Variants in NKAIN2 observed in about 807,000 individuals in gnomAD.
NKAIN2 encodes sodium/potassium-transporting ATPase subunit beta-1-interacting protein 2.
Under a neutral mutation model 32.6 loss-of-function variants are expected in NKAIN2, and 14 were observed. The observed-to-expected ratio is 0.43, with a 90% CI of 0.28 to 0.67. NKAIN2 has a LOEUF of 0.67. Ranked by LOEUF, NKAIN2 falls within the 30% of genes least tolerant of loss-of-function variation. NKAIN2 has a pLI of 0.17. For synonymous variants in NKAIN2, 80 were observed against 87.2 expected (o/e 0.92, Z 0.46); for missense variants, 198 against 258.3 (o/e 0.77, Z 1.60).
intron 1 of NKAIN2, among the ~76,000 whole-genome samples, chr6:124,138,003 A>C (rs192054342): frequency 7.2e-5 from 11 of 152,280 alleles, no homozygotes; most frequent in African/African-American, 2.6e-4. Flanking sequence ...CAAAAACAAA[A>C]ATAAATAAAT....
intron 3 of NKAIN2, among the ~76,000 whole-genome samples, chr6:124,405,044 A>G (rs1319294402): frequency 1.3e-5 from 2 of 152,202 alleles, no homozygotes; most frequent in African/African-American, 2.4e-5. Context: ...AATGCCGTGT[A>G]CAAACTATTT....
chr6:124,021,166 G>A (rs973177126), intron 1 of NKAIN2, among the ~76,000 whole-genome samples: 25 of 151,976 alleles, frequency 1.6e-4, no homozygotes, highest in Non-Finnish European at 3.5e-4. Context: ...TTTCAACACA[G>A]GGAAGCATTA....
intron 2 of NKAIN2, among the ~76,000 whole-genome samples, chr6:124,283,537 A>C (rs1795401942): frequency 6.6e-6 from 1 of 152,218 alleles, no homozygotes; most frequent in Non-Finnish European, 1.5e-5. Flanking sequence ...AGGAATGAAC[A>C]TATACTATTG....
intron 1 of NKAIN2, among the ~76,000 whole-genome samples, chr6:124,267,187 C>G (rs1163472431): frequency 2.0e-5 from 3 of 152,116 alleles, no homozygotes; most frequent in Non-Finnish European, 2.9e-5. Context: ...GATTGTCAAG[C>G]AAGGACAAAT....
At chr6:124,591,593 T>C (rs1026820477) in intron 3 of NKAIN2, among the ~76,000 whole-genome samples, 1 of 152,126 alleles carries the variant, frequency 6.6e-6, no homozygotes, top group Non-Finnish European at 1.5e-5. Context: ...GTACCTCTCT[T>C]CTGGTATCAA....
intron 3 of NKAIN2, among the ~76,000 whole-genome samples, chr6:124,529,609 C>T (rs1343666228): frequency 1.3e-5 from 2 of 152,170 alleles, no homozygotes; most frequent in Admixed American, 1.3e-4. Flanking sequence ...CACATGCACA[C>T]TACTGGTCAG....
At chr6:124,343,806 C>G (rs1480429527) in intron 2 of NKAIN2, among the ~76,000 whole-genome samples, 15 of 148,744 alleles carry the variant, frequency 1.0e-4, no homozygotes, top group East Asian at 2.0e-4. Flanking sequence ...ATGGTAGTTT[C>G]TTTTGCTGTG....
In NKAIN2 at chr6:124,083,100, G is replaced by A. The variant is rs539343092; in HGVS notation, c.55-199905G>A. ...TATGCCTTTTTATGAGACTTTATAC[G>A]TATACCAAAGGAACTATATGTTTGT... On this transcript the variant is annotated intron_variant, in intron 1 of 6. Coordinates refer to ENST00000368417, the MANE Select transcript of NKAIN2 (RefSeq NM_001040214.3). 1.5e-4 allele frequency among the ~76,000 whole-genome samples: 21 copies of A among 141,648 alleles called. 1 individual carries two copies. In the East Asian group the frequency reaches 2.3e-3, roughly 16 times the overall value. 92.9% of individuals were successfully genotyped at this position (141,648 alleles called of 152,430 possible).
intron 3 of NKAIN2, among the ~76,000 whole-genome samples, chr6:124,491,658 G>C (rs1218628082): frequency 6.6e-6 from 1 of 151,808 alleles, no homozygotes; most frequent in Non-Finnish European, 1.5e-5. Flanking sequence ...TTTATGTCTA[G>C]ATTATAGCTA....
At chr6:123,842,567 A>G (rs1168431867) in intron 1 of NKAIN2, among the ~76,000 whole-genome samples, 1 of 152,180 alleles carries the variant, frequency 6.6e-6, no homozygotes, top group Non-Finnish European at 1.5e-5. Flanking sequence ...ATAACAGTAT[A>G]TAAATAATAA....
chr6:124,523,973 A>T (rs1459004063), intron 3 of NKAIN2, among the ~76,000 whole-genome samples: 3 of 152,226 alleles, frequency 2.0e-5, no homozygotes. Context: ...GTGAGTGAAT[A>T]GAACTCTATT....
intron 1 of NKAIN2, among the ~76,000 whole-genome samples, chr6:123,969,071 G>T (rs868810151): frequency 6.6e-6 from 1 of 152,014 alleles, no homozygotes; most frequent in African/African-American, 2.4e-5. Flanking sequence ...TTACCTGGAG[G>T]TATAGGTCCC....
At chr6:124,096,159 A>G (rs990536876) in intron 1 of NKAIN2, among the ~76,000 whole-genome samples, 1 of 152,214 alleles carries the variant, frequency 6.6e-6, no homozygotes, top group Non-Finnish European at 1.5e-5. Flanking sequence ...GAGGTGAACT[A>G]TTATAACTAC....
intron 1 of NKAIN2, among the ~76,000 whole-genome samples, chr6:124,066,775 A>G (rs1296694777): frequency 2.0e-5 from 3 of 152,192 alleles, no homozygotes; most frequent in East Asian, 3.9e-4. Context: ...AGGAATGCAT[A>G]TAATCCTTTT....
chr6:124,801,187 C>T (rs1582546680), intron 5 of NKAIN2, among the ~76,000 whole-genome samples: 1 of 152,152 alleles, frequency 6.6e-6, no homozygotes, highest in Admixed American at 6.6e-5. Flanking sequence ...TTTCTGGAAA[C>T]TCACTTAGTA....
In NKAIN2 at chr6:124,500,665, C is replaced by CAAATAAAT. The variant is rs748045761; in HGVS notation, c.273+145333_273+145340dup. ...CAAGACTCTGTCTCAATCAATCAAT[C>CAAATAAAT]AAATAAATAAATAAATAAATAATAA... On this transcript the variant is annotated intron_variant, in intron 3 of 6. Transcript: ENST00000368417. Among the ~76,000 whole-genome samples, 261 of 150,958 alleles carry CAAATAAAT rather than the reference C, an allele frequency of 1.7e-3. 1 individual carries two copies. Among genetic ancestry groups the CAAATAAAT allele is most frequent in the African/African-American group, 6.1e-3 (250 of 41,134 alleles).
chr6:124,701,165 A>ACG (rs1774770909), intron 4 of NKAIN2, among the ~76,000 whole-genome samples: 1 of 151,650 alleles, frequency 6.6e-6, no homozygotes, highest in Non-Finnish European at 1.5e-5. Flanking sequence ...ACACACACAC[A>ACG]CACACACACA....
At chr6:124,225,260 A>T (rs1009586810) in intron 1 of NKAIN2, among the ~76,000 whole-genome samples, 1 of 152,106 alleles carries the variant, frequency 6.6e-6, no homozygotes, top group African/African-American at 2.4e-5. Context: ...TTTCAAGGAT[A>T]GTATAAAATT....
chr6:124,331,667 T>G (rs1797668408), intron 2 of NKAIN2, among the ~76,000 whole-genome samples: 1 of 152,202 alleles, frequency 6.6e-6, no homozygotes, highest in South Asian at 2.1e-4. Context: ...TTGTAACACC[T>G]TGTGGCCCTG....
Sources: gnomAD v4.1 joint callset for allele counts (sites outside exome capture counted in the v4.1 genomes callset) on GRCh38, gnomAD v4.1.1 for gene constraint, MANE v1.5 for transcripts, NCBI Gene and HGNC (gene_info 2026-07-23, HGNC 2026-07-21) for gene names.